LIMA1: variants seen among roughly 807,000 people sequenced by gnomAD.
LIMA1 encodes the protein LIM domain and actin binding 1.
Under a neutral mutation model 62.6 loss-of-function variants are expected in LIMA1, and 52 were observed. That is an observed-to-expected ratio of 0.83 (90% CI 0.67 to 1.05). LIMA1 has a LOEUF of 1.05. Among genes scored for constraint, LIMA1 ranks in the 50% least tolerant of loss-of-function variants. The pLI is 0.00. For synonymous variants in LIMA1, 302 were observed against 317.8 expected (o/e 0.95, Z 0.53); for missense variants, 780 against 902.2 (o/e 0.86, Z 1.74).
chr12:50,280,390 C>A (rs903937836), intron 1 of LIMA1, among the ~76,000 whole-genome samples: 8 of 151,928 alleles, frequency 5.3e-5, no homozygotes, highest in African/African-American at 1.7e-4. Context: ...GATCTCCTGA[C>A]CTCGTGATCC....
At chr12:50,178,964 A>ATT (rs555323460) in intron 10 of LIMA1, among the ~76,000 whole-genome samples, 1,093 of 92,220 alleles carry the variant, frequency 0.012, 13 homozygotes, top group African/African-American at 0.037. Context: ...ATATATATAT[A>ATT]TATTTTTTTT....
At chr12:50,178,966 A>ATTTTTTTTTTTTTTTTTTTT (rs1555203081) in intron 10 of LIMA1, among the ~76,000 whole-genome samples, 2 of 128,928 alleles carry the variant, frequency 1.6e-5, no homozygotes, top group Non-Finnish European at 1.8e-5. Context: ...ATATATATAT[A>ATTTTTTTTTTTTTTTTTTTT]TTTTTTTTTT....
chr12:50,245,318 CAGG>C (rs1363395069), intron 2 of LIMA1, among the ~76,000 whole-genome samples: 5 of 150,730 alleles, frequency 3.3e-5, no homozygotes, highest in Non-Finnish European at 7.4e-5. Flanking sequence ...GAGGCTGAGG[CAGG>C]AGGACTGCTT....
At chr12:50,232,373 CTTTTTTT>C (rs112911088) in intron 2 of LIMA1, among the ~76,000 whole-genome samples, 18 of 137,124 alleles carry the variant, frequency 1.3e-4, no homozygotes, top group African/African-American at 3.2e-4. Context: ...TTTCTTTTTT[CTTTTTTT>C]TTTTTTTGAG....
Position 50,201,616 on chromosome 12 carries a change from C to G in LIMA1, c.865-732G>C, listed in dbSNP as rs1054226557. ...TATTACATCTAAAATCAACATAGAACCTGGGTGCAGTGGCTCACGCCTGTA... is the reference window on the plus strand; with the variant it reads ...TATTACATCTAAAATCAACATAGAAGCTGGGTGCAGTGGCTCACGCCTGTA... On this transcript the variant is annotated intron_variant, in intron 6 of 10. Transcript: ENST00000341247. The G allele has an allele frequency of 7.3e-5, 61 of 830,506 alleles. No homozygotes were observed. The African/African-American group carries it at 9.4e-4, about 13-fold the overall frequency. 51.4% of individuals were successfully genotyped at this position (830,506 alleles called of 1,614,324 possible).
At chr12:50,236,804 C>T (rs2073491818) in intron 2 of LIMA1, among the ~76,000 whole-genome samples, 1 of 152,076 alleles carries the variant, frequency 6.6e-6, no homozygotes, top group Non-Finnish European at 1.5e-5. Context: ...TTGGGTAGCT[C>T]ATGCTTGTAA....
At chr12:50,239,156 A>C (rs1941737917) in intron 2 of LIMA1, among the ~76,000 whole-genome samples, 1 of 152,278 alleles carries the variant, frequency 6.6e-6, no homozygotes, top group African/African-American at 2.4e-5. Context: ...CAATTTAGAC[A>C]CTAAAAACAG....
chr12:50,240,866 G>T (rs545374775), intron 2 of LIMA1, among the ~76,000 whole-genome samples: 2 of 152,056 alleles, frequency 1.3e-5, no homozygotes, highest in African/African-American at 4.8e-5. Flanking sequence ...CTGGAGACTC[G>T]AACATTTCAG....
intron 1 of LIMA1, among the ~76,000 whole-genome samples, chr12:50,253,376 G>C (rs990034206): frequency 3.9e-5 from 6 of 152,166 alleles, no homozygotes; most frequent in Non-Finnish European, 8.8e-5. Flanking sequence ...TAACGAAATT[G>C]AGATTCAGAC....
At chr12:50,242,884 C>G (rs1941797649) in intron 2 of LIMA1, among the ~76,000 whole-genome samples, 1 of 152,154 alleles carries the variant, frequency 6.6e-6, no homozygotes. Context: ...TGTTGGAGAA[C>G]TGGCCCTGAG....
At chr12:50,178,155 A>C in intron 10 of LIMA1, 86 bp from the exon 11 acceptor site, 1 of 1,063,694 alleles carries the variant, frequency 9.4e-7, no homozygotes, top group Non-Finnish European at 1.3e-6. Flanking sequence ...CAATTCCAGT[A>C]TTTTCAGAAG....
chr12:50,250,779 A>G (rs2138645084), intron 1 of LIMA1, among the ~76,000 whole-genome samples: 1 of 152,276 alleles, frequency 6.6e-6, no homozygotes, highest in African/African-American at 2.4e-5. Flanking sequence ...AGAGACAGAT[A>G]AGTCTAAGTG....
intron 9 of LIMA1, 125 bp from the exon 10 acceptor site, chr12:50,182,162 T>A: frequency 1.0e-6 from 1 of 974,838 alleles, no homozygotes; most frequent in Non-Finnish European, 1.5e-6. Flanking sequence ...CATGGAGCAC[T>A]AAACCTGCTA....
Position 50,177,912 on chromosome 12 carries a change from G to A in LIMA1, c.1432C>T (p.Pro478Ser), listed in dbSNP as rs759915225. The change falls in exon 11 of 11, where the codon CCA becomes TCA. Residue 478 changes from proline (P) to serine (S), a missense_variant. Physicochemically the swap from Pro to Ser is moderately conservative, Grantham distance 74. Transcript: ENST00000341247. ...KNENEEILER[P>S]AQLANARETP... is the part of the protein sequence containing the mutation. ...TCCCTTGCATTTGCAAGCTGGGCTG[G>A]TCTCTCCAAAATCTCTTCGTTTTCA... 1.2e-6 allele frequency: 2 copies of A among 1,614,028 alleles called. No homozygotes were observed. The highest frequency in any genetic ancestry group is 2.2e-5 in the East Asian group (1 of 44,874).
intron 1 of LIMA1, among the ~76,000 whole-genome samples, chr12:50,270,281 T>G (rs777381496): frequency 2.9e-5 from 4 of 139,218 alleles, no homozygotes; most frequent in African/African-American, 8.0e-5. Flanking sequence ...TTAGGTGTTA[T>G]CAACGCATCA....
At chr12:50,277,843 C>A (rs1445301160) in intron 1 of LIMA1, among the ~76,000 whole-genome samples, 1 of 152,114 alleles carries the variant, frequency 6.6e-6, no homozygotes, top group Admixed American at 6.6e-5. Flanking sequence ...AATGTTAACG[C>A]CCAAATAAAA....
At chr12:50,271,476 T>C (rs115059983) in intron 1 of LIMA1, among the ~76,000 whole-genome samples, 3 of 152,196 alleles carry the variant, frequency 2.0e-5, no homozygotes, top group African/African-American at 4.8e-5. Flanking sequence ...CATTAACTTA[T>C]TCTAAGGGCA....
intron 1 of LIMA1, among the ~76,000 whole-genome samples, chr12:50,269,435 CAG>C (rs1283648511): frequency 6.6e-6 from 1 of 152,114 alleles, no homozygotes; most frequent in African/African-American, 2.4e-5. Context: ...ACCAGAAAAG[CAG>C]TTCTAGCGTA....
intron 6 of LIMA1, chr12:50,201,247 C>A (rs188074598): frequency 1.9e-5 from 20 of 1,031,866 alleles, no homozygotes; most frequent in Non-Finnish European, 2.0e-5. Flanking sequence ...CAGAAAAGAC[C>A]ATTCTGGAGC....
Sources: gnomAD v4.1 joint callset for allele counts (sites outside exome capture counted in the v4.1 genomes callset) on GRCh38, gnomAD v4.1.1 for gene constraint, MANE v1.5 for transcripts, NCBI Gene and HGNC (gene_info 2026-07-23, HGNC 2026-07-21) for gene names.